The following UQCRC2 variants were observed in gnomAD, a reference collection of about 807,000 sequenced individuals.
UQCRC2 encodes the protein ubiquinol-cytochrome c reductase core protein 2, also known as cytochrome b-c1 complex subunit 2, mitochondrial.
UQCRC2 carries 49 observed loss-of-function variants against 55.6 expected under a neutral mutation model. That is an observed-to-expected ratio of 0.88 (90% CI 0.70 to 1.12). The LOEUF is 1.12. Ranked by LOEUF, UQCRC2 falls within the 50% of genes most tolerant of loss-of-function variation. The pLI, the probability that UQCRC2 is intolerant of heterozygous loss-of-function variation, is 0.00. For missense variants in UQCRC2, 506 were observed against 547.8 expected, an observed-to-expected ratio of 0.92 and a Z score of 0.76; for synonymous variants, 193 against 192.0, an observed-to-expected ratio of 1.01 and a Z score of -0.04.
intron 13 of UQCRC2, 58 bp downstream of exon 13, chr16:21,980,758 T>C: frequency 6.3e-7 from 1 of 1,593,566 alleles, no homozygotes; most frequent in South Asian, 1.1e-5. Flanking sequence ...AATGATCCAA[T>C]TTCAGAAGGA....
intron 7 of UQCRC2, 31 bp from the exon 8 acceptor site, chr16:21,968,597 A>G: frequency 6.4e-7 from 1 of 1,568,830 alleles, no homozygotes; most frequent in Non-Finnish European, 8.7e-7. Context: ...TTATGCTAAT[A>G]TAACCTAATA....
chr16:21,970,213 A>G (rs1014269943), intron 8 of UQCRC2, among the ~76,000 whole-genome samples: 1 of 152,128 alleles, frequency 6.6e-6, no homozygotes, highest in Non-Finnish European at 1.5e-5. Flanking sequence ...ATTGATTGGC[A>G]TTTGGGTTGT....
intron 12 of UQCRC2, chr16:21,980,320 T>C: frequency 2.1e-6 from 1 of 486,804 alleles, no homozygotes; most frequent in Non-Finnish European, 3.6e-6. Context: ...GGGCCCTCAA[T>C]TGGACACTTT....
chr16:21,982,815 A>C (rs1197395323), intron 13 of UQCRC2, among the ~76,000 whole-genome samples: 1 of 152,072 alleles, frequency 6.6e-6, no homozygotes, highest in Non-Finnish European at 1.5e-5. Flanking sequence ...AAATACAAAA[A>C]TTAGCTGGGC....
chr16:21,974,022 T>TC (rs752766822), intron 11 of UQCRC2, 46 bp downstream of exon 11: 280 of 1,435,296 alleles, frequency 2.0e-4, no homozygotes, highest in Admixed American at 6.9e-4. Flanking sequence ...AAGTTATTTC[T>TC]CCCCCCCGCC....
chr16:21,981,844 C>CT (rs1245008218), intron 13 of UQCRC2, among the ~76,000 whole-genome samples: 346 of 142,114 alleles, frequency 2.4e-3, no homozygotes, highest in Middle Eastern at 7.1e-3. Flanking sequence ...TCATACTCTT[C>CT]TTTTTTTTTT....
chr16:21,976,285 G>A (rs780973128), intron 12 of UQCRC2, 42 bp downstream of exon 12: 9 of 1,489,454 alleles, frequency 6.0e-6, no homozygotes, highest in Non-Finnish European at 8.4e-6. Flanking sequence ...TTTGTTATTT[G>A]AAAGTTGTAT....
intron 6 of UQCRC2, among the ~76,000 whole-genome samples, chr16:21,965,037 A>G (rs1211115610): frequency 6.6e-6 from 1 of 152,102 alleles, no homozygotes; most frequent in Non-Finnish European, 1.5e-5. Flanking sequence ...AGTAAAATTC[A>G]GATTAAATGA....
intron 1 of UQCRC2, 87 bp downstream of exon 1, chr16:21,953,543 T>C: frequency 6.6e-7 from 1 of 1,514,976 alleles, no homozygotes; most frequent in Non-Finnish European, 8.9e-7. Context: ...GTCTGGGGTC[T>C]GGGCCTTGGG....
chr16:21,976,395 G>T, intron 12 of UQCRC2, 152 bp downstream of exon 12: 1 of 647,272 alleles, frequency 1.5e-6, no homozygotes, highest in Non-Finnish European at 2.5e-6. Flanking sequence ...ACCACCTAAA[G>T]ATATAATTGT....
chr16:21,965,224 A>G (rs1898297514), intron 6 of UQCRC2, among the ~76,000 whole-genome samples, 184 bp from the exon 7 acceptor site: 1 of 152,196 alleles, frequency 6.6e-6, no homozygotes, highest in Non-Finnish European at 1.5e-5. Flanking sequence ...TTTTTTTCTC[A>G]GCACATTCTA....
chr16:21,980,729 C>A, intron 13 of UQCRC2, 29 bp downstream of exon 13: 1 of 1,610,826 alleles, frequency 6.2e-7, no homozygotes, highest in Non-Finnish European at 8.5e-7. Flanking sequence ...AACGATTTAA[C>A]AACAGAGAAC....
At chr16:21,960,933 C>T (rs188715406) in intron 4 of UQCRC2, among the ~76,000 whole-genome samples, 2 of 152,022 alleles carry the variant, frequency 1.3e-5, no homozygotes, top group African/African-American at 4.8e-5. Flanking sequence ...TGGGCCCAAG[C>T]GATTCTTCTC....
intron 3 of UQCRC2, 128 bp from the exon 4 acceptor site, chr16:21,958,407 A>C: frequency 1.3e-6 from 1 of 795,918 alleles, no homozygotes. Flanking sequence ...ATAATTCTTA[A>C]CTAAAAAGGA....
intron 8 of UQCRC2, 57 bp downstream of exon 8, chr16:21,968,742 A>T: frequency 6.7e-7 from 1 of 1,493,568 alleles, no homozygotes; most frequent in Admixed American, 2.0e-5. Flanking sequence ...AGTTCCTTAA[A>T]CTGTAATTAC....
intron 12 of UQCRC2, among the ~76,000 whole-genome samples, chr16:21,977,674 T>G (rs1898619018): frequency 6.6e-6 from 1 of 152,200 alleles, no homozygotes; most frequent in African/African-American, 2.4e-5. Context: ...ATACAGCCGC[T>G]TAAGACATTT....
intron 6 of UQCRC2, among the ~76,000 whole-genome samples, chr16:21,964,426 T>C (rs1024641354): frequency 6.6e-6 from 1 of 152,168 alleles, no homozygotes; most frequent in Non-Finnish European, 1.5e-5. Context: ...GCCTTCTTAT[T>C]ATCTATGGGA....
At chr16:21,971,423 G>T in intron 8 of UQCRC2, 102 bp from the exon 9 acceptor site, 1 of 952,172 alleles carries the variant, frequency 1.1e-6, no homozygotes. Context: ...ATTTTGTAGT[G>T]TTAGGATTTT....
intron 12 of UQCRC2, among the ~76,000 whole-genome samples, chr16:21,979,154 G>C (rs986622105): frequency 1.3e-5 from 2 of 152,198 alleles, no homozygotes; most frequent in African/African-American, 4.8e-5. Flanking sequence ...TGTGGGCCAG[G>C]TGGAGTTGTC....
Sources: gnomAD v4.1 joint callset for allele counts (sites outside exome capture counted in the v4.1 genomes callset) on GRCh38, gnomAD v4.1.1 for gene constraint, MANE v1.5 for transcripts, NCBI Gene and HGNC (gene_info 2026-07-23, HGNC 2026-07-21) for gene names.